Variants in THRAP3 observed in about 807,000 individuals in gnomAD.
The protein encoded by THRAP3 is thyroid hormone receptor-associated protein 3.
THRAP3 carries 16 observed loss-of-function variants against 101.0 expected under a neutral mutation model. That is an observed-to-expected ratio of 0.16 (90% CI 0.11 to 0.24). The LOEUF is 0.24. Ranked by LOEUF, THRAP3 falls within the 10% of genes least tolerant of loss-of-function variation. THRAP3 has a pLI of 1.00. For missense variants in THRAP3, 989 were observed against 1,202.7 expected, an observed-to-expected ratio of 0.82 and a Z score of 2.63; for synonymous variants, 407 against 422.6, an observed-to-expected ratio of 0.96 and a Z score of 0.45.
At chr1:36,293,051 TGGA>T (rs1645898251) in intron 7 of THRAP3, among the ~76,000 whole-genome samples, 1 of 125,784 alleles carries the variant, frequency 8.0e-6, no homozygotes, top group African/African-American at 3.0e-5. Context: ...TTTTTTGAGA[TGGA>T]GTGTTGCTCT....
intron 2 of THRAP3, among the ~76,000 whole-genome samples, chr1:36,271,591 C>CTTTTTTT (rs34782789): frequency 5.0e-5 from 3 of 60,136 alleles, no homozygotes; most frequent in African/African-American, 1.2e-4. Flanking sequence ...TTTTTCTTAT[C>CTTTTTTT]TTTTTTTTTT....
intron 9 of THRAP3, among the ~76,000 whole-genome samples, chr1:36,298,786 A>T (rs1345097942): frequency 6.6e-6 from 1 of 152,050 alleles, no homozygotes; most frequent in African/African-American, 2.4e-5. Context: ...GATTACAGGC[A>T]TGAGCTACCA....
chr1:36,244,010 C>T lies in THRAP3; in HGVS notation c.-134-15372C>T, dbSNP rs558223208. 1.1e-3 allele frequency among the ~76,000 whole-genome samples: 165 copies of T among 146,496 alleles called. 1 individual carries two copies. Among genetic ancestry groups the T allele is most frequent in the Admixed American group, 4.6e-3 (68 of 14,858 alleles). ...CTCCCTCCCGGACGGGGCGGCTGGC[C>T]GGGCGGGGGGCTGACCCCCCCACCT... On this transcript the variant is annotated intron_variant, in intron 1 of 11. Coordinates refer to ENST00000354618, the MANE Select transcript of THRAP3 (RefSeq NM_005119.4).
At position 36,304,446 on chromosome 1, in the gene THRAP3, CTTT is replaced by C. The variant is rs78206872; in HGVS notation, c.*444_*446del. Reference sequence around the variant, plus strand: ...CTGTCCTGATTTTAAAAGCCCCCTCCTTTTTTTTTTTTTTTTTCTTTTTTTAGG... The same window carrying C: ...CTGTCCTGATTTTAAAAGCCCCCTCCTTTTTTTTTTTTTTCTTTTTTTAGG... On this transcript the variant is annotated 3_prime_UTR_variant, in exon 12 of 12. Transcript: ENST00000354618. The C allele has an allele frequency of 3.9e-4, 71 of 183,486 alleles. No homozygotes were observed. The highest frequency in any genetic ancestry group is 5.4e-4 in the Non-Finnish European group (50 of 92,748). 11.4% of individuals were successfully genotyped at this position (183,486 alleles called of 1,614,324 possible). A position where few individuals can be genotyped will look rare whatever the true frequency, so the allele number is the denominator to read the frequency against.
rs201704563 is a variant in THRAP3, at chr1:36,282,659, C to T, written c.96C>T (p.Ser32=). 4.0e-5 allele frequency: 65 copies of T among 1,613,976 alleles called. No homozygotes were observed. Among genetic ancestry groups the T allele is most frequent in the Non-Finnish European group, 4.9e-5 (58 of 1,180,000 alleles). ...SRSRSFSKSR[S]RSRSLSRSRK... is the part of the protein sequence containing the mutation. Reference sequence around the variant, plus strand: ...CTCGTTCATTTTCGAAGTCTCGGTCCCGAAGCCGATCTCTCTCTCGTTCAA... The same window carrying T: ...CTCGTTCATTTTCGAAGTCTCGGTCTCGAAGCCGATCTCTCTCTCGTTCAA... The change falls in exon 3 of 12, where the codon TCC becomes TCT. Residue 32 remains serine, a synonymous_variant. Transcript: ENST00000354618.
intron 1 of THRAP3, among the ~76,000 whole-genome samples, chr1:36,248,720 G>A (rs1645261509): frequency 6.6e-6 from 1 of 151,768 alleles, no homozygotes. Context: ...GTATGTGAGG[G>A]CTCACTTGAT....
At chr1:36,222,338 C>T (rs111770900), upstream of THRAP3, among the ~76,000 whole-genome samples, 1,484 of 152,302 alleles carry the variant, frequency 9.7e-3, 27 homozygotes, top group African/African-American at 0.034. Context: ...AACCTTACTG[C>T]AATCTTTGCT....
chr1:36,280,497 G>C (rs910228455), intron 2 of THRAP3, among the ~76,000 whole-genome samples: 1 of 152,184 alleles, frequency 6.6e-6, no homozygotes, highest in Admixed American at 6.5e-5. Context: ...AACCTCTGAG[G>C]AGATAGCTTT....
intron 1 of THRAP3, among the ~76,000 whole-genome samples, chr1:36,241,014 G>A (rs1010072085): frequency 4.6e-5 from 7 of 151,918 alleles, no homozygotes; most frequent in Admixed American, 3.3e-4. Flanking sequence ...GGACCATCCC[G>A]GCTAACACGG....
chr1:36,264,854 A>G (rs1414793284), intron 2 of THRAP3, among the ~76,000 whole-genome samples: 11 of 152,178 alleles, frequency 7.2e-5, no homozygotes. Context: ...TGGAGGCTTC[A>G]ACAACAGCAG....
chr1:36,274,075 GTCACACACAC>G (rs1279587504), intron 2 of THRAP3, among the ~76,000 whole-genome samples: 1 of 1,610 alleles, frequency 6.2e-4, no homozygotes, highest in Non-Finnish European at 4.6e-3. Flanking sequence ...GTGTGTGTGT[GTCACACACAC>G]ACACACACAC....
At chr1:36,274,737 G>A (rs1381795296) in intron 2 of THRAP3, among the ~76,000 whole-genome samples, 1 of 140,792 alleles carries the variant, frequency 7.1e-6, no homozygotes, top group East Asian at 2.3e-4. Flanking sequence ...GGTTCAAGTG[G>A]TTCTCCTACT....
At chr1:36,270,579 T>TTTTTTTTTTTTTTTTTTTTTTTG (rs1645577992) in intron 2 of THRAP3, among the ~76,000 whole-genome samples, 1 of 136,082 alleles carries the variant, frequency 7.3e-6, no homozygotes, top group African/African-American at 3.4e-5. Context: ...AGGTTTTTGT[T>TTTTTTTTTTTTTTTTTTTTTTTG]TTTTTTTTTT....
chr1:36,277,763 A>G (rs1377945971), intron 2 of THRAP3, among the ~76,000 whole-genome samples: 1 of 151,828 alleles, frequency 6.6e-6, no homozygotes, highest in Non-Finnish European at 1.5e-5. Context: ...AAAAATTATT[A>G]TGATTATTAT....
At chr1:36,299,550 G>C (rs527253937) in intron 9 of THRAP3, among the ~76,000 whole-genome samples, 1 of 151,742 alleles carries the variant, frequency 6.6e-6, no homozygotes, top group Admixed American at 6.6e-5. Flanking sequence ...ACCCAGGCTG[G>C]AGTGCAATGA....
intron 1 of THRAP3, among the ~76,000 whole-genome samples, chr1:36,236,600 C>T (rs910274412): frequency 2.6e-5 from 4 of 152,122 alleles, no homozygotes; most frequent in African/African-American, 4.8e-5. Flanking sequence ...CACCAGTCTA[C>T]CTTGCCTCTT....
At chr1:36,243,789 C>T (rs1291153025) in intron 1 of THRAP3, among the ~76,000 whole-genome samples, 1 of 59,496 alleles carries the variant, frequency 1.7e-5, no homozygotes, top group East Asian at 5.1e-4. Flanking sequence ...CAGAGGCGCC[C>T]CTCACCTCCC....
chr1:36,270,577 GTTTTT>G (rs869142351), intron 2 of THRAP3, among the ~76,000 whole-genome samples: 4,799 of 34,632 alleles, frequency 0.14, 376 homozygotes, highest in African/African-American at 0.27. Context: ...TTAGGTTTTT[GTTTTT>G]TTTTTTTTTT....
intron 1 of THRAP3, among the ~76,000 whole-genome samples, chr1:36,253,971 C>A (rs1645342337): frequency 6.6e-6 from 1 of 151,844 alleles, no homozygotes; most frequent in Non-Finnish European, 1.5e-5. Context: ...AACTTCAAAG[C>A]TATTTGGTAT....
Sources: allele counts gnomAD v4.1 joint callset (sites outside exome capture counted in the v4.1 genomes callset), GRCh38; gene constraint gnomAD v4.1.1; transcripts MANE v1.5; gene names NCBI Gene and HGNC (gene_info 2026-07-23, HGNC 2026-07-21).